The following ERBB4 variants were observed in gnomAD, a reference collection of about 807,000 sequenced individuals.
The protein encoded by ERBB4 is erb-b2 receptor tyrosine kinase 4, also known as receptor tyrosine-protein kinase erbB-4.
In ERBB4, 42 loss-of-function variants were observed where a neutral mutation model predicts 158.0. The observed-to-expected ratio is 0.27, with a 90% confidence interval of 0.21 to 0.34. The LOEUF (loss-of-function observed/expected upper bound fraction) is 0.34, where lower values mean the gene tolerates loss of function less well. Among genes scored for constraint, ERBB4 ranks in the 10% least tolerant of loss-of-function variants. The probability of loss-of-function intolerance (pLI) is 1.00; values close to 1 mark genes in which losing one functional copy is unlikely to be tolerated. For missense variants in ERBB4, 1,333 were observed against 1,624.1 expected, an observed-to-expected ratio of 0.82 and a Z score of 3.08; for synonymous variants, 583 against 558.7, an observed-to-expected ratio of 1.04 and a Z score of -0.61.
At position 211,413,309 on chromosome 2, in the gene ERBB4, A is replaced by AAAAAAAAAAAAAAACACAC. The variant is rs1553524037; in HGVS notation, c.3135+7131_3135+7132insGTGTGTTTTTTTTTTTTTT. On this transcript the variant is annotated intron_variant, in intron 25 of 27. Coordinates refer to ENST00000342788, the MANE Select transcript of ERBB4 (RefSeq NM_005235.3). ...GGACAGAGAGAGACCCTGTCTTAAA[A>AAAAAAAAAAAAAAACACAC]ACACACACACACACACACACACACA... is the stretch of plus-strand genomic sequence containing the variant. Among the ~76,000 whole-genome samples the AAAAAAAAAAAAAAACACAC allele has an allele frequency of 4.2e-5, 4 of 94,576 alleles. 1 individual carries two copies. Among genetic ancestry groups the AAAAAAAAAAAAAAACACAC allele is most frequent in the African/African-American group, 1.5e-4 (4 of 26,050 alleles). 62.0% of individuals were successfully genotyped at this position (94,576 alleles called of 152,430 possible). A position where few individuals can be genotyped will look rare whatever the true frequency, so the allele number is the denominator to read the frequency against.
chr2:211,686,120 T>C (rs1199740933), intron 12 of ERBB4, among the ~76,000 whole-genome samples: 1 of 152,130 alleles, frequency 6.6e-6, no homozygotes, highest in Non-Finnish European at 1.5e-5. Context: ...CCTTATTTGC[T>C]AGGTAGAACT....
chr2:212,195,439 A>T (rs1376439462), intron 1 of ERBB4, among the ~76,000 whole-genome samples: 1 of 152,010 alleles, frequency 6.6e-6, no homozygotes, highest in East Asian at 1.9e-4. Context: ...TCACAGTATT[A>T]TTTTTAAAAC....
chr2:212,423,533 C>A (rs1429174086), intron 1 of ERBB4, among the ~76,000 whole-genome samples: 1 of 152,130 alleles, frequency 6.6e-6, no homozygotes, highest in Non-Finnish European at 1.5e-5. Context: ...CTAAGTATGA[C>A]ACACATGTGC....
chr2:211,885,932 A>G (rs2078788091), intron 3 of ERBB4, among the ~76,000 whole-genome samples: 3 of 152,206 alleles, frequency 2.0e-5, no homozygotes. Flanking sequence ...AGACCAAGTT[A>G]TATGCTAGTT....
intron 20 of ERBB4, among the ~76,000 whole-genome samples, chr2:211,488,345 C>G (rs969260616): frequency 6.6e-6 from 1 of 152,018 alleles, no homozygotes; most frequent in East Asian, 1.9e-4. Context: ...CCGTATCTTA[C>G]TTATGTATAC....
At chr2:211,528,640 GAAAT>G (rs890102201) in intron 20 of ERBB4, among the ~76,000 whole-genome samples, 1 of 151,918 alleles carries the variant, frequency 6.6e-6, no homozygotes, top group African/African-American at 2.4e-5. Context: ...CTCAAAAATT[GAAAT>G]AATATCAAGC....
In ERBB4 at chr2:212,206,589, C is replaced by CTTTTTTTTTTTTTTTTTTTTTTTT. The variant is rs5838309; in HGVS notation, c.83-81687_83-81686insAAAAAAAAAAAAAAAAAAAAAAAA. Among the ~76,000 whole-genome samples, 40 of 116,424 alleles carry CTTTTTTTTTTTTTTTTTTTTTTTT rather than the reference C, an allele frequency of 3.4e-4. 3 individuals are homozygous for CTTTTTTTTTTTTTTTTTTTTTTTT. Among genetic ancestry groups the CTTTTTTTTTTTTTTTTTTTTTTTT allele is most frequent in the African/African-American group, 8.7e-4 (24 of 27,670 alleles). The allele number at this position is 116,424 out of a possible 152,430, so 76.4% of individuals were successfully genotyped here. On this transcript the variant is annotated intron_variant, in intron 1 of 27. Transcript: ENST00000342788. ...ATGAACTGTCTCCGTCTGTTCTGTT[C>CTTTTTTTTTTTTTTTTTTTTTTTT]TTTTTTTTTTTTTTTTGAGACGGAG...
chr2:212,451,869 A>C (rs2106025276), intron 1 of ERBB4, among the ~76,000 whole-genome samples: 1 of 152,306 alleles, frequency 6.6e-6, no homozygotes, highest in African/African-American at 2.4e-5. Flanking sequence ...ATATCTACAA[A>C]GCCAGTTAGA....
intron 1 of ERBB4, among the ~76,000 whole-genome samples, chr2:212,451,057 C>G (rs999911704): frequency 3.3e-5 from 5 of 152,098 alleles, no homozygotes; most frequent in Non-Finnish European, 7.4e-5. Context: ...TGACTATATA[C>G]TAGGCTCCCT....
At chr2:211,805,935 G>C (rs1197824812) in intron 3 of ERBB4, among the ~76,000 whole-genome samples, 1 of 150,750 alleles carries the variant, frequency 6.6e-6, no homozygotes, top group Non-Finnish European at 1.5e-5. Context: ...CTAGAAAGTA[G>C]AGAAAAAAGA....
At chr2:211,607,067 A>C (rs1358905887) in intron 19 of ERBB4, among the ~76,000 whole-genome samples, 1 of 152,182 alleles carries the variant, frequency 6.6e-6, no homozygotes, top group Non-Finnish European at 1.5e-5. Flanking sequence ...AATTCTTTGT[A>C]GGGATAGAAG....
chr2:211,679,208 G>A (rs2105960487), intron 12 of ERBB4, 24 bp from the exon 13 acceptor site: 1 of 1,612,164 alleles, frequency 6.2e-7, no homozygotes, highest in Non-Finnish European at 8.5e-7. Context: ...AAATCAAGGG[G>A]AAATAAAACA....
intron 1 of ERBB4, among the ~76,000 whole-genome samples, chr2:212,505,546 T>C (rs530804987): frequency 6.7e-6 from 1 of 149,116 alleles, no homozygotes; most frequent in African/African-American, 2.4e-5. Context: ...CTCCTGTGCA[T>C]CTACACATCT....
intron 3 of ERBB4, among the ~76,000 whole-genome samples, chr2:211,825,294 T>C (rs2105953452): frequency 6.6e-6 from 1 of 151,946 alleles, no homozygotes; most frequent in Non-Finnish European, 1.5e-5. Flanking sequence ...TTTCCAAAGC[T>C]TTTATGAGAC....
intron 20 of ERBB4, among the ~76,000 whole-genome samples, chr2:211,433,986 G>A (rs954069750): frequency 2.0e-5 from 3 of 151,950 alleles, no homozygotes; most frequent in East Asian, 3.9e-4. Context: ...TAGGCCAGAA[G>A]GAATACTATA....
In ERBB4 at chr2:212,477,738, G is replaced by C. The variant is rs1574993986; in HGVS notation, c.82+60711C>G. 2.0e-5 allele frequency among the ~76,000 whole-genome samples: 3 copies of C among 152,178 alleles called. No individual in the cohort carries two copies. The South Asian group carries it at 6.2e-4, about 32-fold the overall frequency. On this transcript the variant is annotated intron_variant, in intron 1 of 27. Transcript: ENST00000342788. ...AGATGAAGGTAATTTGCTGCTTCAT[G>C]CATCTGTTTCCTCATCAGCACAGTG...
intron 3 of ERBB4, among the ~76,000 whole-genome samples, chr2:211,861,447 C>T (rs1365207626): frequency 6.7e-6 from 1 of 149,404 alleles, no homozygotes; most frequent in Non-Finnish European, 1.5e-5. Context: ...CCGTCATCCT[C>T]CCACTTCAGC....
chr2:212,204,138 G>A (rs1162804866), intron 1 of ERBB4, among the ~76,000 whole-genome samples: 1 of 152,094 alleles, frequency 6.6e-6, no homozygotes, highest in African/African-American at 2.4e-5. Flanking sequence ...TGTAAAATAA[G>A]TCACTGATTT....
intron 1 of ERBB4, among the ~76,000 whole-genome samples, chr2:212,377,603 C>T (rs1276885916): frequency 6.6e-6 from 1 of 151,914 alleles, no homozygotes; most frequent in Non-Finnish European, 1.5e-5. Flanking sequence ...GGGGACCTAC[C>T]TTGAACAGAG....
Sources: allele counts gnomAD v4.1 joint callset (sites outside exome capture counted in the v4.1 genomes callset), GRCh38; gene constraint gnomAD v4.1.1; transcripts MANE v1.5; gene names NCBI Gene and HGNC (gene_info 2026-07-23, HGNC 2026-07-21).